The following PDE4D variants were observed in gnomAD, a reference collection of about 807,000 sequenced individuals.
PDE4D encodes the protein 3',5'-cyclic-AMP phosphodiesterase 4D.
Under a neutral mutation model 87.4 loss-of-function variants are expected in PDE4D, and 24 were observed. The observed-to-expected ratio is 0.27, with a 90% confidence interval of 0.20 to 0.39. PDE4D has a LOEUF of 0.39. Among genes scored for constraint, PDE4D ranks in the 10% least tolerant of loss-of-function variants. PDE4D has a pLI of 1.00. For missense variants in PDE4D, 714 were observed against 1,041.0 expected, an observed-to-expected ratio of 0.69 and a Z score of 4.32; for synonymous variants, 384 against 383.2, an observed-to-expected ratio of 1.00 and a Z score of -0.02.
chr5:59,781,166 C>CA (rs11450737), intron 1 of PDE4D, among the ~76,000 whole-genome samples: 39,479 of 68,938 alleles, frequency 0.57, 10,200 homozygotes, highest in Non-Finnish European at 0.63. Flanking sequence ...AACTCCTTCT[C>CA]AAAAAAAAAA....
intron 3 of PDE4D, among the ~76,000 whole-genome samples, chr5:59,953,441 A>C (rs1460785086): frequency 6.6e-6 from 1 of 152,198 alleles, no homozygotes; most frequent in Non-Finnish European, 1.5e-5. Context: ...CATAGGAAAA[A>C]AATAATGATT....
chr5:59,031,743 C>T, intron 6 of PDE4D, among the ~76,000 whole-genome samples: 1 of 128,242 alleles, frequency 7.8e-6, no homozygotes, highest in Admixed American at 7.8e-5. Context: ...AAAGATTACA[C>T]AGCCTTATAA....
chr5:60,375,278 T>C (rs1761345830), intron 1 of PDE4D, among the ~76,000 whole-genome samples: 1 of 152,202 alleles, frequency 6.6e-6, no homozygotes, highest in African/African-American at 2.4e-5. Context: ...GCTACAGCCC[T>C]GTGCTTCTGC....
intron 11 of PDE4D, among the ~76,000 whole-genome samples, chr5:58,988,109 G>A (rs1353500145): frequency 6.6e-6 from 1 of 152,138 alleles, no homozygotes; most frequent in East Asian, 1.9e-4. Flanking sequence ...TATGGCCTCT[G>A]AAGAGGATTA....
At chr5:60,122,224 C>T (rs977218861) in intron 2 of PDE4D, among the ~76,000 whole-genome samples, 5 of 152,170 alleles carry the variant, frequency 3.3e-5, no homozygotes, top group African/African-American at 1.2e-4. Context: ...GTCATTGGAT[C>T]TACCATTCTG....
intron 6 of PDE4D, among the ~76,000 whole-genome samples, chr5:59,032,102 C>G (rs2153385813): frequency 1.3e-5 from 2 of 152,066 alleles, no homozygotes; most frequent in South Asian, 4.2e-4. Context: ...ATTCTCATCA[C>G]AAAAAGATAA....
intron 1 of PDE4D, among the ~76,000 whole-genome samples, chr5:60,493,657 C>T (rs1640073001): frequency 6.6e-6 from 1 of 152,040 alleles, no homozygotes; most frequent in Non-Finnish European, 1.5e-5. Flanking sequence ...TCCTTATCTT[C>T]CTCCACTGTC....
chr5:60,132,909 T>A (rs1165796961), intron 2 of PDE4D, among the ~76,000 whole-genome samples: 1 of 152,166 alleles, frequency 6.6e-6, no homozygotes, highest in African/African-American at 2.4e-5. Context: ...AATAAATGCA[T>A]GACATGGGTA....
At position 59,578,136 on chromosome 5, in the gene PDE4D, T is replaced by C. The variant is rs534314582; in HGVS notation, c.455+315032A>G. ...GGGAGCAAAGCTGAATCATTTTGGC[T>C]TTTCTTCCCACTGTGATTTTTATTC... On this transcript the variant is annotated intron_variant, in intron 1 of 14. Transcript: ENST00000340635. Among the ~76,000 whole-genome samples the C allele has an allele frequency of 1.9e-4, 29 of 152,236 alleles. No individual in the cohort carries two copies. The South Asian group carries it at 5.8e-3, about 30-fold the overall frequency.
At chr5:60,046,116 C>T (rs1246608328) in intron 2 of PDE4D, among the ~76,000 whole-genome samples, 8 of 152,134 alleles carry the variant, frequency 5.3e-5, no homozygotes, top group Non-Finnish European at 1.2e-4. Flanking sequence ...GTATTTTATT[C>T]TCTTTGAAGC....
At chr5:60,058,090 C>A (rs1489138599) in intron 2 of PDE4D, among the ~76,000 whole-genome samples, 1 of 151,792 alleles carries the variant, frequency 6.6e-6, no homozygotes. Flanking sequence ...CAGCAAGGTA[C>A]CCGAAATTGA....
At chr5:59,173,672 A>G (rs1313217180) in intron 5 of PDE4D, among the ~76,000 whole-genome samples, 1 of 152,208 alleles carries the variant, frequency 6.6e-6, no homozygotes. Context: ...ATTTCTGGCA[A>G]TTATTAAAGT....
In PDE4D at chr5:59,914,866, G is replaced by GGGGTGTGTGT. The variant is rs1342565323; in HGVS notation, c.272+73621_272+73622insACACACACCC. 2.3e-3 allele frequency among the ~76,000 whole-genome samples: 283 copies of GGGGTGTGTGT among 122,622 alleles called. 1 individual carries two copies. The highest frequency in any genetic ancestry group is 3.8e-3 in the Non-Finnish European group (228 of 59,674). 80.4% of individuals were successfully genotyped at this position (122,622 alleles called of 152,430 possible). On this transcript the variant is annotated intron_variant, in intron 3 of 16. Transcript: ENST00000502484. ...GGCTTGGTTATAATTTACTGATAGGGGTGTGTGTGTGTGTGTGTGTGTGTG... is the reference window on the plus strand; with the variant it reads ...GGCTTGGTTATAATTTACTGATAGGGGGGTGTGTGTGTGTGTGTGTGTGTGTGTGTGTGTG...
At chr5:59,002,567 A>C (rs1469729722) in intron 6 of PDE4D, among the ~76,000 whole-genome samples, 2 of 152,152 alleles carry the variant, frequency 1.3e-5, no homozygotes, top group Non-Finnish European at 2.9e-5. Flanking sequence ...GAAGAGAGAA[A>C]GCGCAAGAGA....
At chr5:59,038,037 A>G (rs1208283389) in intron 6 of PDE4D, among the ~76,000 whole-genome samples, 1 of 152,250 alleles carries the variant, frequency 6.6e-6, no homozygotes, top group South Asian at 2.1e-4. Flanking sequence ...ACAGGCAAAT[A>G]GCCACTAAAA....
At chr5:60,117,042 T>C (rs1304698342) in intron 2 of PDE4D, among the ~76,000 whole-genome samples, 1 of 72,304 alleles carries the variant, frequency 1.4e-5, no homozygotes, top group Non-Finnish European at 2.8e-5. Flanking sequence ...AAATTGCATA[T>C]TTCTAAAAAA....
At chr5:59,377,889 A>G (rs899321576) in intron 1 of PDE4D, among the ~76,000 whole-genome samples, 4 of 152,200 alleles carry the variant, frequency 2.6e-5, no homozygotes, top group Non-Finnish European at 5.9e-5. Context: ...TCAAAGACCT[A>G]AAAAAGAAAT....
At position 60,074,865 on chromosome 5, in the gene PDE4D, C is replaced by T. The variant is rs937824021; in HGVS notation, c.43-86148G>A. Reference sequence around the variant, plus strand: ...GTTTTGCATTTTTTGGTAGATTTTTCTGCATCTCTTTATTTTGAGCCTATG... The same window carrying T: ...GTTTTGCATTTTTTGGTAGATTTTTTTGCATCTCTTTATTTTGAGCCTATG... On this transcript the variant is annotated intron_variant, in intron 2 of 16. Coordinates refer to the PDE4D transcript ENST00000502484. Among the ~76,000 whole-genome samples, 43 of 151,954 alleles carry T rather than the reference C, an allele frequency of 2.8e-4. 1 individual carries two copies. The highest frequency in any genetic ancestry group is 6.6e-5 in the Admixed American group (1 of 15,248).
intron 2 of PDE4D, among the ~76,000 whole-genome samples, chr5:60,167,274 T>C (rs1432829199): frequency 7.1e-6 from 1 of 140,338 alleles, no homozygotes; most frequent in Non-Finnish European, 1.5e-5. Flanking sequence ...TTCTTTTTTT[T>C]TTTTTTTTTT....
Sources: allele counts gnomAD v4.1 joint callset (sites outside exome capture counted in the v4.1 genomes callset), GRCh38; gene constraint gnomAD v4.1.1; transcripts MANE v1.5; gene names NCBI Gene and HGNC (gene_info 2026-07-23, HGNC 2026-07-21).